AASDH: variants seen among roughly 807,000 people sequenced by gnomAD.
AASDH encodes the protein aminoadipate-semialdehyde dehydrogenase, also known as beta-alanine-activating enzyme.
In AASDH, 81 loss-of-function variants were observed where a neutral mutation model predicts 102.3. The ratio of observed to expected loss-of-function variants is 0.79; its 90% CI spans 0.66 to 0.95. The LOEUF (loss-of-function observed/expected upper bound fraction) is 0.95, where lower values mean the gene tolerates loss of function less well. AASDH is among the 40% of genes least tolerant of loss of function. The pLI is 0.00. For synonymous variants in AASDH, 398 were observed against 454.0 expected (o/e 0.88, Z 1.57); for missense variants, 1,203 against 1,266.2 (o/e 0.95, Z 0.76).
intron 5 of AASDH, chr4:56,356,199 A>C (rs1577994120): frequency 4.0e-6 from 3 of 742,780 alleles, no homozygotes; most frequent in Middle Eastern, 2.9e-4. Flanking sequence ...AAGAAGCAGG[A>C]GGACAAGAAA....
At position 56,343,633 on chromosome 4, in the gene AASDH, G is replaced by A. The variant is rs1747968732; in HGVS notation, c.2704C>T (p.Pro902Ser). Residue 902 changes from proline to serine, a missense_variant, in exon 13 of 15, where the codon CCG becomes TCG. Pro to Ser is a moderately conservative substitution (Grantham distance 74, BLOSUM62 -1). Transcript: ENST00000205214. Reference protein sequence around the residue: ...SKCGGTVFSSPCLNLIPHHLY... With the variant: ...SKCGGTVFSSSCLNLIPHHLY... Reference sequence around the variant, plus strand: ...TGATGTGGAATCAGGTTCAAACACGGAGAGGAAAAGACAGTTCCTCCACAT... The same window carrying A: ...TGATGTGGAATCAGGTTCAAACACGAAGAGGAAAAGACAGTTCCTCCACAT... The A allele has an allele frequency of 1.2e-6, 2 of 1,610,652 alleles. No individual in the cohort carries two copies. The highest frequency in any genetic ancestry group is 1.7e-5 in the Admixed American group (1 of 59,656).
chr4:56,370,650 C>T (rs1042441463), intron 5 of AASDH, among the ~76,000 whole-genome samples: 4 of 152,114 alleles, frequency 2.6e-5, no homozygotes, highest in African/African-American at 9.7e-5. Context: ...TTGGACTTCC[C>T]ACCTCCAGAA....
intron 14 of AASDH, among the ~76,000 whole-genome samples, 180 bp from the exon 15 acceptor site, chr4:56,338,971 T>G (rs955965609): frequency 6.6e-6 from 1 of 152,132 alleles, no homozygotes; most frequent in Non-Finnish European, 1.5e-5. Flanking sequence ...TCTGTCCCAG[T>G]GGTAAAATGT....
Position 56,378,426 on chromosome 4 carries a change from A to G in AASDH, c.390T>C (p.Asp130=). 1 of 1,608,716 alleles carries G rather than the reference A, an allele frequency of 6.2e-7. No homozygotes were observed. The highest frequency in any genetic ancestry group is 8.5e-7 in the Non-Finnish European group (1 of 1,178,520). ...GGTCATTATGTTCCACTGTAAATGT[A>G]TCATAGTTCAATAATGTTTCATGAA... The part of the protein sequence containing the change: ...KSFHETLLNY[D]TFTVEHNDLV... The change falls in exon 4 of 15, where the codon GAT becomes GAC. Residue 130 remains aspartate, a synonymous_variant. Coordinates refer to ENST00000205214, the MANE Select transcript of AASDH (RefSeq NM_181806.4).
chr4:56,365,620 C>G (rs1750898085), intron 5 of AASDH, among the ~76,000 whole-genome samples: 1 of 152,066 alleles, frequency 6.6e-6, no homozygotes, highest in Admixed American at 6.6e-5. Context: ...TGAATGACTA[C>G]TGGGTACATA....
chr4:56,366,510 AG>A (rs565135386), intron 5 of AASDH, among the ~76,000 whole-genome samples: 126 of 152,346 alleles, frequency 8.3e-4, no homozygotes, highest in African/African-American at 3.0e-3. Context: ...CACATCAAAA[AG>A]CTTATCCACC....
intron 7 of AASDH, 118 bp from the exon 8 acceptor site, chr4:56,354,329 G>A: frequency 1.2e-6 from 1 of 822,434 alleles, no homozygotes; most frequent in Non-Finnish European, 1.7e-6. Flanking sequence ...ATTAAAAGAT[G>A]GGCTCATTTT....
intron 5 of AASDH, among the ~76,000 whole-genome samples, chr4:56,360,871 A>G (rs566774726): frequency 6.6e-6 from 1 of 152,324 alleles, no homozygotes; most frequent in Non-Finnish European, 1.5e-5. Flanking sequence ...TGTCCCAGTT[A>G]AGATTCTGGT....
intron 5 of AASDH, among the ~76,000 whole-genome samples, chr4:56,369,116 G>C (rs1312778911): frequency 6.6e-6 from 1 of 152,116 alleles, no homozygotes; most frequent in Non-Finnish European, 1.5e-5. Flanking sequence ...TGCAATATTT[G>C]TCATGTTCTT....
chr4:56,355,045 G>C, intron 6 of AASDH, 137 bp downstream of exon 6: 1 of 1,149,848 alleles, frequency 8.7e-7, no homozygotes, highest in South Asian at 1.7e-5. Context: ...GGAAGGTTCT[G>C]GATTCCCAAC....
rs1434150607 is a variant in AASDH at position 56,343,645 on chromosome 4, C to T, written c.2692G>A (p.Val898Ile). Reference protein sequence around the residue: ...CVWKSKCGGTVFSSPCLNLIP... With the variant: ...CVWKSKCGGTIFSSPCLNLIP... ...AGGTTCAAACACGGAGAGGAAAAGA[C>T]AGTTCCTCCACATTTTGACTTCCAA... The change falls in exon 13 of 15, where the codon GTC becomes ATC. Residue 898 changes from valine to isoleucine, a missense_variant. Physicochemically the swap from Val to Ile is conservative, Grantham distance 29. Transcript: ENST00000205214. 9 of 1,610,232 alleles carry T rather than the reference C, an allele frequency of 5.6e-6. No homozygotes were observed. In the East Asian group the frequency reaches 1.6e-4, roughly 28 times the overall value.
At chr4:56,370,444 C>G (rs1268818096) in intron 5 of AASDH, among the ~76,000 whole-genome samples, 4 of 151,950 alleles carry the variant, frequency 2.6e-5, no homozygotes, top group African/African-American at 9.7e-5. Context: ...AAAAGAAATT[C>G]TAACTCTCAA....
intron 4 of AASDH, among the ~76,000 whole-genome samples, chr4:56,374,724 G>A (rs1385701484): frequency 2.0e-5 from 3 of 151,950 alleles, no homozygotes; most frequent in Non-Finnish European, 4.4e-5. Flanking sequence ...ATATGCACAG[G>A]AATAAACTTT....
chr4:56,359,036 C>T (rs991499990), intron 5 of AASDH, among the ~76,000 whole-genome samples: 9 of 151,574 alleles, frequency 5.9e-5, no homozygotes, highest in African/African-American at 2.2e-4. Context: ...TAACAAAGTA[C>T]TTATTGATAT....
chr4:56,346,283 A>G (rs1282191910), intron 11 of AASDH, among the ~76,000 whole-genome samples: 1 of 152,118 alleles, frequency 6.6e-6, no homozygotes. Context: ...TGTACTTTTT[A>G]TGCTTTTTTT....
intron 10 of AASDH, among the ~76,000 whole-genome samples, chr4:56,351,069 GAA>G (rs1189439820): frequency 6.6e-6 from 1 of 152,176 alleles, no homozygotes; most frequent in Non-Finnish European, 1.5e-5. Flanking sequence ...TCCTCTTAGA[GAA>G]AAGTTATGTC....
At chr4:56,385,182 T>C (rs1036356756) in intron 1 of AASDH, among the ~76,000 whole-genome samples, 2 of 152,220 alleles carry the variant, frequency 1.3e-5, no homozygotes. Flanking sequence ...AAATCAATCT[T>C]TGACAGAAGA....
At chr4:56,386,360 C>T (rs1158772420) in intron 1 of AASDH, among the ~76,000 whole-genome samples, 2 of 152,160 alleles carry the variant, frequency 1.3e-5, no homozygotes, top group African/African-American at 4.8e-5. Context: ...TTTCCATTTT[C>T]CCAATGGTTG....
At chr4:56,363,895 A>G (rs1189543972) in intron 5 of AASDH, among the ~76,000 whole-genome samples, 1 of 152,234 alleles carries the variant, frequency 6.6e-6, no homozygotes, top group Non-Finnish European at 1.5e-5. Flanking sequence ...AAGTTGAGAG[A>G]AGAAGGCTCC....
Sources: gnomAD v4.1 joint callset for allele counts (sites outside exome capture counted in the v4.1 genomes callset) on GRCh38, gnomAD v4.1.1 for gene constraint, MANE v1.5 for transcripts, NCBI Gene and HGNC (gene_info 2026-07-23, HGNC 2026-07-21) for gene names.